The following SERPINA9 variants were observed in gnomAD, a reference collection of about 807,000 sequenced individuals.
SERPINA9 encodes serpin A9.
SERPINA9 carries 32 observed loss-of-function variants against 24.5 expected under a neutral mutation model. That is an observed-to-expected ratio of 1.30 (90% CI 0.98 to 1.75). The LOEUF (loss-of-function observed/expected upper bound fraction) is 1.75, where lower values mean the gene tolerates loss of function less well. Among genes scored for constraint, SERPINA9 ranks in the 40% most tolerant of loss-of-function variants. The pLI is 0.00. For synonymous variants in SERPINA9, 233 were observed against 197.7 expected, an observed-to-expected ratio of 1.18 and a Z score of -1.50; for missense variants, 594 against 497.1, an observed-to-expected ratio of 1.19 and a Z score of -1.85.
At chr14:94,465,206 C>T (rs965649622) in intron 3 of SERPINA9, among the ~76,000 whole-genome samples, 3 of 152,192 alleles carry the variant, frequency 2.0e-5, no homozygotes, top group African/African-American at 7.2e-5. Flanking sequence ...TCCTCAGCAG[C>T]ACTTCCTGAT....
At chr14:94,475,062 T>C (rs1899518985) in intron 1 of SERPINA9, among the ~76,000 whole-genome samples, 1 of 152,136 alleles carries the variant, frequency 6.6e-6, no homozygotes, top group African/African-American at 2.4e-5. Flanking sequence ...CCTATCTTCG[T>C]TTGCCTCTTT....
In SERPINA9 at chr14:94,471,972, T is replaced by C. The variant is rs527317795; in HGVS notation, c.-17-2115A>G. ...TGGACTCATCTCCCTCCTCTGGTCA[T>C]GCTTCCTCAAAACGTTTTTCTTAAG... is the stretch of plus-strand genomic sequence containing the variant. On this transcript the variant is annotated intron_variant, in intron 1 of 4. Coordinates refer to ENST00000674397, the MANE Select transcript of SERPINA9 (RefSeq NM_175739.4). Among the ~76,000 whole-genome samples, 171 of 152,314 alleles carry C rather than the reference T, an allele frequency of 1.1e-3. 2 individuals are homozygous for C. Among genetic ancestry groups the C allele is most frequent in the African/African-American group, 3.7e-3 (155 of 41,566 alleles).
chr14:94,475,740 CTTGCTGTTAGT>C (rs1899591918), intron 1 of SERPINA9, among the ~76,000 whole-genome samples: 1 of 152,184 alleles, frequency 6.6e-6, no homozygotes, highest in Admixed American at 6.5e-5. Context: ...CAAGCTGATC[CTTGCTGTTAGT>C]TTGGAAACTG....
intron 2 of SERPINA9, among the ~76,000 whole-genome samples, chr14:94,467,587 T>C (rs911295684): frequency 2.0e-5 from 3 of 152,234 alleles, no homozygotes; most frequent in Non-Finnish European, 2.9e-5. Context: ...TTATGACATG[T>C]GAATTGTATT....
intron 1 of SERPINA9, among the ~76,000 whole-genome samples, chr14:94,473,124 GTCC>G (rs978915169): frequency 2.0e-5 from 3 of 152,180 alleles, no homozygotes; most frequent in African/African-American, 7.2e-5. Context: ...CCTGCTTCCT[GTCC>G]TCCTTCCCCC....
rs762911599 is a variant in SERPINA9 at position 94,476,147 on chromosome 14, C to T, written c.-29G>A. The T allele has an allele frequency of 1.2e-6, 2 of 1,614,184 alleles. No individual in the cohort carries two copies. Among genetic ancestry groups the T allele is most frequent in the East Asian group, 2.2e-5 (1 of 44,880 alleles). ...TCCTCCTTACCCACCTTTGCAGGTT[C>T]CTCTTCTCCTGCCCTGTCCTTGCAT... is the stretch of plus-strand genomic sequence containing the variant. On this transcript the variant is annotated 5_prime_UTR_variant, in exon 1 of 5. Transcript: ENST00000674397.
intron 1 of SERPINA9, among the ~76,000 whole-genome samples, chr14:94,475,382 G>T (rs150799468): frequency 6.6e-6 from 1 of 151,914 alleles, no homozygotes; most frequent in African/African-American, 2.4e-5. Context: ...TGCCCACCCT[G>T]CTACATGTGT....
chr14:94,476,049 A>G, intron 1 of SERPINA9, 87 bp downstream of exon 1: 1 of 1,592,172 alleles, frequency 6.3e-7, no homozygotes, highest in Non-Finnish European at 8.6e-7. Context: ...GCTGCATTTG[A>G]CACTGAAGAC....
chr14:94,468,139 T>C (rs540498631), intron 2 of SERPINA9, among the ~76,000 whole-genome samples: 1 of 150,716 alleles, frequency 6.6e-6, no homozygotes, highest in East Asian at 2.0e-4. Context: ...AGATATAGGG[T>C]GGATAGATAC....
intron 3 of SERPINA9, among the ~76,000 whole-genome samples, 154 bp downstream of exon 3, chr14:94,466,955 C>T (rs1396506558): frequency 6.6e-6 from 1 of 152,222 alleles, no homozygotes; most frequent in African/African-American, 2.4e-5. Context: ...CAAGTGTGAA[C>T]ATGTATAGAC....
chr14:94,475,844 G>A (rs1899606665), intron 1 of SERPINA9: 1 of 479,458 alleles, frequency 2.1e-6, no homozygotes, highest in Admixed American at 3.7e-5. Context: ...TTTGCTTCTA[G>A]CAGCTGCCCT....
chr14:94,464,436 C>A (rs1029607545), intron 4 of SERPINA9: 13 of 530,190 alleles, frequency 2.5e-5, no homozygotes, highest in Non-Finnish European at 3.6e-5. Flanking sequence ...GAGGTCAGAT[C>A]CTGAGGGAGC....
chr14:94,467,988 G>T (rs1899099560), intron 2 of SERPINA9, among the ~76,000 whole-genome samples: 1 of 151,522 alleles, frequency 6.6e-6, no homozygotes, highest in Non-Finnish European at 1.5e-5. Flanking sequence ...TGGATAGTTT[G>T]CTGGATGGGT....
At chr14:94,463,718 G>C (rs1898851412) in intron 4 of SERPINA9, among the ~76,000 whole-genome samples, 2 of 152,234 alleles carry the variant, frequency 1.3e-5, no homozygotes. Flanking sequence ...TTGCATGGCA[G>C]ACATGGGTTT....
At position 94,475,946 on chromosome 14, in the gene SERPINA9, C is replaced by A. The variant is rs2139831682; in HGVS notation, c.-18+190G>T. The A allele has an allele frequency of 6.8e-6, 5 of 740,472 alleles. No homozygotes were observed. In the South Asian group the frequency reaches 7.2e-5, roughly 11 times the overall value. 45.9% of individuals were successfully genotyped at this position (740,472 alleles called of 1,614,324 possible). ...TACCTCCAACTCACTCACTGGTCCA[C>A]TCCAGCCTGGCTTCTGTATCCACAA... On this transcript the variant is annotated intron_variant, in intron 1 of 4. Transcript: ENST00000674397.
chr14:94,475,958 T>G, intron 1 of SERPINA9, 178 bp downstream of exon 1: 3 of 836,230 alleles, frequency 3.6e-6, no homozygotes, highest in Non-Finnish European at 5.7e-6. Flanking sequence ...CCAGCCTGGC[T>G]TCTGTATCCA....
chr14:94,467,016 G>T, intron 3 of SERPINA9, 93 bp downstream of exon 3: 1 of 1,414,766 alleles, frequency 7.1e-7, no homozygotes, highest in South Asian at 1.3e-5. Flanking sequence ...GTGCAGAAGT[G>T]ATTATCCAAC....
Position 94,467,163 on chromosome 14 carries a change from TC to T in SERPINA9, c.847del (p.Glu283AsnfsTer9). On this transcript the variant is annotated frameshift_variant, in exon 3 of 5. Coordinates refer to ENST00000674397, the MANE Select transcript of SERPINA9 (RefSeq NM_175739.4). LOFTEE classifies it high-confidence loss of function. The part of the protein sequence containing the change: ...LPSKGKMRQL[E>X]QALSARTLRK... ...CAGTGTTCTGGCTGACAAGGCCTGT[TC>T]CAGTTGCCTCATCTTGCCCTTGCTA... 6.2e-7 allele frequency: 1 copy of T among 1,614,226 alleles called. No homozygotes were observed. Among genetic ancestry groups the T allele is most frequent in the South Asian group, 1.1e-5 (1 of 91,080 alleles).
chr14:94,470,158 A>AT (rs1224074062), intron 1 of SERPINA9: 1 of 1,107,890 alleles, frequency 9.0e-7, no homozygotes, highest in Non-Finnish European at 1.1e-6. Flanking sequence ...TCCAAATCCC[A>AT]TGCTTTTTGA....
Sources: allele counts gnomAD v4.1 joint callset (sites outside exome capture counted in the v4.1 genomes callset), GRCh38; gene constraint gnomAD v4.1.1; transcripts MANE v1.5; gene names NCBI Gene and HGNC (gene_info 2026-07-23, HGNC 2026-07-21).